The following NPHP4 variants were observed in gnomAD, a reference collection of about 807,000 sequenced individuals.
NPHP4 encodes the protein nephrocystin 4.
In NPHP4, 151 loss-of-function variants were observed where a neutral mutation model predicts 155.8. The observed-to-expected ratio is 0.97, with a 90% CI of 0.85 to 1.11. The LOEUF (loss-of-function observed/expected upper bound fraction) is 1.11. NPHP4 is among the 50% of genes least tolerant of loss of function. NPHP4 has a pLI of 0.00. For synonymous variants in NPHP4, 845 were observed against 816.8 expected, an observed-to-expected ratio of 1.03 and a Z score of -0.59; for missense variants, 1,956 against 1,925.7, an observed-to-expected ratio of 1.02 and a Z score of -0.29.
intron 3 of NPHP4, among the ~76,000 whole-genome samples, chr1:5,971,966 T>C (rs1398121437): frequency 6.6e-6 from 1 of 152,266 alleles, no homozygotes; most frequent in Non-Finnish European, 1.5e-5. Flanking sequence ...CCTGTCTTAA[T>C]GCCTTCATCT....
intron 28 of NPHP4, 121 bp from the exon 29 acceptor site, chr1:5,864,154 CAG>C: frequency 8.1e-7 from 1 of 1,229,984 alleles, no homozygotes; most frequent in Non-Finnish European, 1.2e-6. Flanking sequence ...AGAGATAAGA[CAG>C]ACGCTCTCTG....
chr1:5,888,103 G>A (rs954747768), intron 17 of NPHP4, among the ~76,000 whole-genome samples: 1 of 152,228 alleles, frequency 6.6e-6, no homozygotes, highest in African/African-American at 2.4e-5. Context: ...GCCCTGGGCT[G>A]GGGTTTGGCC....
chr1:5,878,812 G>A lies in NPHP4; in HGVS notation c.2611+1302C>T, dbSNP rs982519261. Among the ~76,000 whole-genome samples, 26 of 152,294 alleles carry A rather than the reference G, an allele frequency of 1.7e-4. 1 individual carries two copies. The highest frequency in any genetic ancestry group is 1.5e-3 in the Admixed American group (23 of 15,302). On this transcript the variant is annotated intron_variant, in intron 19 of 29. Coordinates refer to ENST00000378156, the MANE Select transcript of NPHP4 (RefSeq NM_015102.5). ...CAATAACCTCAGCCTGGCTCCTGGA[G>A]CTCAGGGACTTCTCTCTAAGGAGCT...
At chr1:5,942,609 AGG>A (rs1646884108) in intron 9 of NPHP4, among the ~76,000 whole-genome samples, 1 of 136,868 alleles carries the variant, frequency 7.3e-6, no homozygotes. Flanking sequence ...AAAAAAGCTG[AGG>A]AACTGTTCCA....
At chr1:5,903,531 A>G (rs1644773122) in intron 16 of NPHP4, among the ~76,000 whole-genome samples, 1 of 152,178 alleles carries the variant, frequency 6.6e-6, no homozygotes, top group Admixed American at 6.5e-5. Flanking sequence ...ACTGACCATC[A>G]ATAAAAATAT....
chr1:5,899,384 G>C (rs1437532077), intron 16 of NPHP4, among the ~76,000 whole-genome samples: 1 of 152,202 alleles, frequency 6.6e-6, no homozygotes. Flanking sequence ...CAAGAGGCCA[G>C]CAAAAGAAGT....
intron 6 of NPHP4, 124 bp from the exon 7 acceptor site, chr1:5,952,960 C>T (rs1648466752): frequency 1.2e-6 from 1 of 800,258 alleles, no homozygotes; most frequent in Non-Finnish European, 1.9e-6. Flanking sequence ...GCTCGGGACT[C>T]CCAGACAGAG....
At chr1:5,973,583 T>A (rs1652986602) in intron 3 of NPHP4, among the ~76,000 whole-genome samples, 2 of 152,140 alleles carry the variant, frequency 1.3e-5, no homozygotes, top group South Asian at 4.1e-4. Context: ...TGAGACCCCA[T>A]CTCTTAGAAA....
At chr1:5,934,590 G>A (rs769835086) in intron 9 of NPHP4, among the ~76,000 whole-genome samples, 7 of 152,180 alleles carry the variant, frequency 4.6e-5, no homozygotes, top group African/African-American at 7.2e-5. Context: ...GGTGACAAAA[G>A]TAAAATGGGG....
At chr1:5,936,859 G>A (rs1646566382) in intron 9 of NPHP4, among the ~76,000 whole-genome samples, 1 of 152,220 alleles carries the variant, frequency 6.6e-6, no homozygotes, top group South Asian at 2.1e-4. Context: ...AAGGGTCTCT[G>A]TGGATGTGAT....
At chr1:5,870,900 G>C (rs1641933201) in intron 23 of NPHP4, among the ~76,000 whole-genome samples, 1 of 152,206 alleles carries the variant, frequency 6.6e-6, no homozygotes, top group Admixed American at 6.5e-5. Flanking sequence ...GCAGCAGGCT[G>C]GTGGGGGCCA....
rs1474709550 is a variant in NPHP4 at position 5,863,380 on chromosome 1, A to G, written c.4166T>C (p.Ile1389Thr). 1.2e-6 allele frequency: 2 copies of G among 1,613,890 alleles called. No individual in the cohort carries two copies. Among genetic ancestry groups the G allele is most frequent in the South Asian group, 1.1e-5 (1 of 91,090 alleles). The change falls in exon 30 of 30, where the codon ATC (isoleucine) becomes ACC (threonine). Residue 1389 changes from isoleucine (I) to threonine (T), a missense_variant. Coordinates refer to ENST00000378156, the MANE Select transcript of NPHP4 (RefSeq NM_015102.5). ...FQVGGGETYT[I>T]GLQFAPSQRV... ...CTGACTAGGCGCAAACTGCAAGCCG[A>G]TGGTGTAGGTCTCTCCACCCCCGAC... is the stretch of plus-strand genomic sequence containing the variant.
At chr1:5,865,075 T>C in intron 27 of NPHP4, 27 bp downstream of exon 27, 1 of 1,609,638 alleles carries the variant, frequency 6.2e-7, no homozygotes. Context: ...GGGGAGAGGC[T>C]CAGAACAGCC....
At chr1:5,875,187 C>T in intron 20 of NPHP4, 87 bp from the exon 21 acceptor site, 1 of 988,174 alleles carries the variant, frequency 1.0e-6, no homozygotes, top group East Asian at 2.6e-5. Context: ...CACCCGCGAT[C>T]TCAGAAGAGG....
chr1:5,863,162 G>A lies in NPHP4; in HGVS notation c.*103C>T. 2 of 1,303,792 alleles carry A rather than the reference G, an allele frequency of 1.5e-6. No individual in the cohort carries two copies. Among genetic ancestry groups the A allele is most frequent in the East Asian group, 2.3e-5 (1 of 43,284 alleles). The allele number at this position is 1,303,792 out of a possible 1,614,324, so 80.8% of individuals were successfully genotyped here. ...TGCACAGGTCAGCCAGGTGGGCACT[G>A]AAGTGAAAGGCTGCAGAGAGGCGGG... On this transcript the variant is annotated 3_prime_UTR_variant, in exon 30 of 30. Coordinates refer to ENST00000378156, the MANE Select transcript of NPHP4 (RefSeq NM_015102.5).
chr1:5,962,172 T>G (rs1203116087), intron 5 of NPHP4, among the ~76,000 whole-genome samples: 1 of 152,076 alleles, frequency 6.6e-6, no homozygotes, highest in Non-Finnish European at 1.5e-5. Flanking sequence ...TTTTTCTTTT[T>G]TGTTTGTTTG....
chr1:5,952,323 C>T (rs980379032), intron 7 of NPHP4, among the ~76,000 whole-genome samples: 6 of 152,224 alleles, frequency 3.9e-5, no homozygotes, highest in Non-Finnish European at 7.3e-5. Context: ...ATTTAGTTTA[C>T]TTTAAATGAG....
intron 6 of NPHP4, among the ~76,000 whole-genome samples, chr1:5,957,448 A>G (rs1050656476): frequency 2.0e-5 from 3 of 152,234 alleles, no homozygotes; most frequent in African/African-American, 7.2e-5. Flanking sequence ...TGCACCTCAG[A>G]AACAAGACCA....
chr1:5,878,334 C>T (rs1341186717), intron 19 of NPHP4, among the ~76,000 whole-genome samples: 1 of 152,248 alleles, frequency 6.6e-6, no homozygotes, highest in East Asian at 1.9e-4. Flanking sequence ...GCAAACTGCT[C>T]TGCAGATGCC....
Sources: gnomAD v4.1 joint callset for allele counts (sites outside exome capture counted in the v4.1 genomes callset) on GRCh38, gnomAD v4.1.1 for gene constraint, MANE v1.5 for transcripts, NCBI Gene and HGNC (gene_info 2026-07-23, HGNC 2026-07-21) for gene names.